The following PCDHA4 variants were observed in gnomAD, a reference collection of about 807,000 sequenced individuals.
The protein encoded by PCDHA4 is protocadherin alpha 4, also known as protocadherin alpha-4.
A neutral mutation model predicts 61.4 loss-of-function variants in PCDHA4; 49 were observed. That is an observed-to-expected ratio of 0.80 (90% CI 0.63 to 1.01). The LOEUF is 1.01. Ranked by LOEUF, PCDHA4 falls within the 50% of genes least tolerant of loss-of-function variation. The pLI, the probability that PCDHA4 is intolerant of heterozygous loss-of-function variation, is 0.00. For synonymous variants in PCDHA4, 590 were observed against 550.3 expected (o/e 1.07, Z -1.01); for missense variants, 1,254 against 1,235.8 (o/e 1.01, Z -0.22).
intron 1 of PCDHA4, chr5:140,867,560 C>G (rs1352328708): frequency 1.3e-5 from 2 of 152,070 alleles, no homozygotes; most frequent in African/African-American, 4.8e-5. Context: ...CATATGATAA[C>G]TTTTTCATAT....
chr5:140,871,452 G>C, intron 1 of PCDHA4: 1 of 1,608,608 alleles, frequency 6.2e-7, no homozygotes, highest in Non-Finnish European at 8.5e-7. Context: ...ATAAAGAGGA[G>C]GAAGGGGAAA....
rs145253621 is a variant in PCDHA4, at chr5:140,991,776, T to A, written c.2533+9213T>A. 4.1e-3 allele frequency among the ~76,000 whole-genome samples: 632 copies of A among 152,312 alleles called. 6 individuals carry two copies. Among genetic ancestry groups the A allele is most frequent in the South Asian group, 0.036 (174 of 4,822 alleles). ...CATGCTCTTCAAAATTCTTCTAGACTCTGCCCATTTCCCAATCTCAAGGCC... is the reference window on the plus strand; with the variant it reads ...CATGCTCTTCAAAATTCTTCTAGACACTGCCCATTTCCCAATCTCAAGGCC... On this transcript the variant is annotated intron_variant, in intron 3 of 3. Coordinates refer to ENST00000530339, the MANE Select transcript of PCDHA4 (RefSeq NM_018907.4).
chr5:140,871,594 A>G (rs1278020366), intron 1 of PCDHA4: 2 of 1,456,310 alleles, frequency 1.4e-6, no homozygotes, highest in Non-Finnish European at 1.8e-6. Context: ...TTTATGAATA[A>G]CCAGTGTTTT....
At chr5:140,841,052 T>A (rs114871325) in intron 1 of PCDHA4, 33 of 431,510 alleles carry the variant, frequency 7.6e-5, no homozygotes, top group Middle Eastern at 1.2e-3. Context: ...GGATTTACTA[T>A]TAAATTATGA....
chr5:140,917,778 G>A (rs1271229686), intron 1 of PCDHA4, among the ~76,000 whole-genome samples: 4 of 152,218 alleles, frequency 2.6e-5, no homozygotes, highest in African/African-American at 9.6e-5. Flanking sequence ...TTAGTACCAT[G>A]TTGTTTTGGT....
intron 1 of PCDHA4, chr5:140,858,619 C>T: frequency 8.6e-7 from 1 of 1,161,702 alleles, no homozygotes; most frequent in Non-Finnish European, 1.2e-6. Context: ...TTTATCCTAC[C>T]CAGTGTGTCA....
intron 1 of PCDHA4, among the ~76,000 whole-genome samples, chr5:140,977,305 AC>A (rs1424604910): frequency 6.6e-6 from 1 of 152,258 alleles, no homozygotes; most frequent in African/African-American, 2.4e-5. Flanking sequence ...TGACAAGCTA[AC>A]GATAGTGCTC....
chr5:140,957,827 T>C (rs2095387768), intron 1 of PCDHA4, among the ~76,000 whole-genome samples: 1 of 150,810 alleles, frequency 6.6e-6, no homozygotes, highest in Admixed American at 6.7e-5. Flanking sequence ...TAAGAGAAAG[T>C]GTTAATTGAT....
intron 1 of PCDHA4, chr5:140,821,956 C>T (rs1767130325): frequency 1.2e-6 from 2 of 1,614,176 alleles, no homozygotes; most frequent in Middle Eastern, 1.7e-4. Flanking sequence ...GCTGGTGCCG[C>T]GCCTGTTCCG....
intron 1 of PCDHA4, chr5:140,870,816 C>A: frequency 4.3e-6 from 7 of 1,613,668 alleles, no homozygotes; most frequent in Admixed American, 1.7e-5. Flanking sequence ...AGGCTGGCAG[C>A]GCGGGAGGCG....
chr5:140,925,106 G>GAA (rs1554202543), intron 1 of PCDHA4, among the ~76,000 whole-genome samples: 1 of 151,098 alleles, frequency 6.6e-6, no homozygotes, highest in African/African-American at 2.4e-5. Flanking sequence ...AGGAAGGAAG[G>GAA]AGGGAAGGAA....
At chr5:140,880,684 A>G (rs903335932) in intron 1 of PCDHA4, among the ~76,000 whole-genome samples, 27 of 152,226 alleles carry the variant, frequency 1.8e-4, no homozygotes, top group Admixed American at 1.2e-3. Flanking sequence ...TGAAGAGAAT[A>G]GTCATGGTTA....
chr5:140,819,009 T>A (rs1223864365), intron 1 of PCDHA4, among the ~76,000 whole-genome samples: 5 of 152,254 alleles, frequency 3.3e-5, no homozygotes. Flanking sequence ...AGAGGATATA[T>A]AATATGGATA....
At chr5:140,893,951 T>TTA (rs2064251628) in intron 1 of PCDHA4, among the ~76,000 whole-genome samples, 1 of 152,184 alleles carries the variant, frequency 6.6e-6, no homozygotes, top group Admixed American at 6.5e-5. Context: ...CTGCATGACT[T>TTA]TATTAGTCAT....
At chr5:140,899,575 G>C (rs1347901369) in intron 1 of PCDHA4, among the ~76,000 whole-genome samples, 1 of 152,086 alleles carries the variant, frequency 6.6e-6, no homozygotes, top group African/African-American at 2.4e-5. Flanking sequence ...TGCTGGATTC[G>C]GTTTGCCAGT....
intron 3 of PCDHA4, among the ~76,000 whole-genome samples, chr5:140,987,372 A>G (rs1357478474): frequency 6.6e-6 from 1 of 152,204 alleles, no homozygotes; most frequent in Non-Finnish European, 1.5e-5. Flanking sequence ...ATATCATTAC[A>G]GGGTCAGAAT....
At chr5:140,943,650 C>A (rs2093540673) in intron 1 of PCDHA4, among the ~76,000 whole-genome samples, 1 of 151,974 alleles carries the variant, frequency 6.6e-6, no homozygotes, top group African/African-American at 2.4e-5. Flanking sequence ...ATAAAACCAT[C>A]TATGAACAAT....
chr5:140,892,826 C>T (rs1554185388), intron 1 of PCDHA4, among the ~76,000 whole-genome samples: 1 of 152,166 alleles, frequency 6.6e-6, no homozygotes, highest in Non-Finnish European at 1.5e-5. Flanking sequence ...TACAGTGCTA[C>T]AGTGCTGCAA....
intron 1 of PCDHA4, among the ~76,000 whole-genome samples, chr5:140,895,783 A>G (rs750912902): frequency 2.1e-4 from 32 of 152,122 alleles, no homozygotes; most frequent in Non-Finnish European, 3.8e-4. Context: ...ATAGTATTCA[A>G]TGACGTATAT....
Sources: gnomAD v4.1 joint callset for allele counts (sites outside exome capture counted in the v4.1 genomes callset) on GRCh38, gnomAD v4.1.1 for gene constraint, MANE v1.5 for transcripts, NCBI Gene and HGNC (gene_info 2026-07-23, HGNC 2026-07-21) for gene names.